Variants in SCNN1G observed in about 807,000 individuals in gnomAD.
SCNN1G encodes the protein epithelial sodium channel subunit gamma.
In SCNN1G, 27 loss-of-function variants were observed where a neutral mutation model predicts 64.6. That is an observed-to-expected ratio of 0.42 (90% CI 0.31 to 0.58). The LOEUF is 0.58. SCNN1G is among the 20% of genes least tolerant of loss of function. SCNN1G has a pLI of 0.18. For missense variants in SCNN1G, 743 were observed against 823.4 expected (o/e 0.90, Z 1.19); for synonymous variants, 330 against 314.2 (o/e 1.05, Z -0.53).
chr16:23,196,055 A>G (rs1354786379), intron 5 of SCNN1G: 6 of 152,182 alleles, frequency 3.9e-5, no homozygotes, highest in African/African-American at 9.7e-5. Flanking sequence ...AAAAATGAGT[A>G]CACAACTACA....
chr16:23,197,517 G>T, intron 6 of SCNN1G, 90 bp downstream of exon 6: 7 of 1,213,426 alleles, frequency 5.8e-6, no homozygotes, highest in Non-Finnish European at 8.5e-6. Context: ...TATGGAAAAG[G>T]GTGTTTGTTT....
intron 12 of SCNN1G, 71 bp from the exon 13 acceptor site, chr16:23,215,018 A>G: frequency 6.3e-7 from 1 of 1,583,532 alleles, no homozygotes; most frequent in Non-Finnish European, 8.7e-7. Context: ...TCCCTTGGGA[A>G]TCAGGGTTCC....
Position 23,186,289 on chromosome 16 carries a change from G to C in SCNN1G, c.18G>C (p.Lys6Asn). The change falls in exon 2 of 13, where the codon AAG becomes AAC. Residue 6 changes from lysine (K) to asparagine (N), a missense_variant. By Grantham distance (94) the Lys-to-Asn change is moderately conservative. Transcript: ENST00000300061. MAPGE[K>N]IKAKIKKNLP... is the part of the protein sequence containing the mutation. ...TCCTCGCCATGGCACCCGGAGAGAA[G>C]ATCAAAGCCAAAATCAAGAAGAATC... 1 of 1,614,252 alleles carries C rather than the reference G, an allele frequency of 6.2e-7. No homozygotes were observed.
chr16:23,210,661 G>A (rs1357747895), intron 7 of SCNN1G, among the ~76,000 whole-genome samples: 1 of 152,148 alleles, frequency 6.6e-6, no homozygotes, highest in Admixed American at 6.5e-5. Context: ...CAGAACAAAA[G>A]GACCAGAAAC....
chr16:23,194,436 A>C (rs1218508361), intron 5 of SCNN1G, among the ~76,000 whole-genome samples, 162 bp downstream of exon 5: 2 of 152,222 alleles, frequency 1.3e-5, no homozygotes, highest in Non-Finnish European at 2.9e-5. Flanking sequence ...ATCAGTGTTC[A>C]TGCTGGTTCC....
chr16:23,200,295 T>A, intron 6 of SCNN1G, among the ~76,000 whole-genome samples: 1 of 151,980 alleles, frequency 6.6e-6, no homozygotes, highest in Non-Finnish European at 1.5e-5. Flanking sequence ...ATTTAAAAAA[T>A]TTTTAGAGTC....
chr16:23,196,151 ATGGGGGGG>A (rs1567264818), intron 5 of SCNN1G: 2 of 152,314 alleles, frequency 1.3e-5, no homozygotes, highest in Non-Finnish European at 2.9e-5. Context: ...TGGGGTCAGG[ATGGGGGGG>A]TTAGTTTGGA....
chr16:23,214,194 T>A (rs1027659014), intron 11 of SCNN1G, among the ~76,000 whole-genome samples: 2 of 152,230 alleles, frequency 1.3e-5, no homozygotes, highest in Non-Finnish European at 2.9e-5. Flanking sequence ...CATCTCAGTT[T>A]CCACATCTGC....
In SCNN1G at chr16:23,213,592, G is replaced by A. The variant is rs564987381; in HGVS notation, c.1493+429G>A. Among the ~76,000 whole-genome samples the A allele has an allele frequency of 4.6e-5, 7 of 152,262 alleles. 1 individual carries two copies. The highest frequency in any genetic ancestry group is 3.3e-4 in the Admixed American group (5 of 15,292). On this transcript the variant is annotated intron_variant, in intron 11 of 12. Coordinates refer to ENST00000300061, the MANE Select transcript of SCNN1G (RefSeq NM_001039.4). ...TCACTCACTCATTCATTTCCTCAAA[G>A]CTGGGAGACGGTGAACTCACATCTG... is the stretch of plus-strand genomic sequence containing the variant.
At position 23,191,116 on chromosome 16, in the gene SCNN1G, A is replaced by G. The variant is rs973464123; in HGVS notation, c.619-1236A>G. Among the ~76,000 whole-genome samples the G allele has an allele frequency of 3.9e-5, 6 of 152,038 alleles. 1 individual carries two copies. Among genetic ancestry groups the G allele is most frequent in the Non-Finnish European group, 8.8e-5 (6 of 68,004 alleles). ...TACCTTGGCCTCCCAAACTGCTGAGATTACAGGCGTGAGCCACCGCACCTG... is the reference window on the plus strand; with the variant it reads ...TACCTTGGCCTCCCAAACTGCTGAGGTTACAGGCGTGAGCCACCGCACCTG... On this transcript the variant is annotated intron_variant, in intron 3 of 12. Coordinates refer to ENST00000300061, the MANE Select transcript of SCNN1G (RefSeq NM_001039.4).
chr16:23,194,336 G>C lies in SCNN1G; in HGVS notation c.913+62G>C, dbSNP rs4247210. On this transcript the variant is annotated intron_variant, in intron 5 of 12. Transcript: ENST00000300061. ...CCAATAGTGGACATGGGGGCAGCAG[G>C]ACAGTGGGGATGCGGGAGCCCTCTG... The C allele has an allele frequency of 0.28, 322,139 of 1,149,784 alleles. 48,868 individuals carry two copies. The highest frequency in any genetic ancestry group is 0.51 in the African/African-American group (33,764 of 65,932). 71.2% of individuals were successfully genotyped at this position (1,149,784 alleles called of 1,614,324 possible). A position where few individuals can be genotyped will look rare whatever the true frequency, so the allele number is the denominator to read the frequency against.
Position 23,189,376 on chromosome 16 carries a change from G to C in SCNN1G, c.323G>C (p.Ser108Thr). The C allele has an allele frequency of 6.2e-7, 1 of 1,613,348 alleles. No individual in the cohort carries two copies. Among genetic ancestry groups the C allele is most frequent in the Non-Finnish European group, 8.5e-7 (1 of 1,180,032 alleles). The change falls in exon 3 of 13, where the codon AGC becomes ACC. Residue 108 changes from serine (S) to threonine (T), a missense_variant. Physicochemically the swap from Ser to Thr is moderately conservative, Grantham distance 58. Transcript: ENST00000300061. Reference protein sequence around the residue: ...TICNINPYKYSTVRHLLADLE... With the variant: ...TICNINPYKYTTVRHLLADLE... Reference sequence around the variant, plus strand: ...TTTCCTCCCCACCTTGGCAGGTACAGCACCGTTCGCCACCTTCTAGCTGAC... The same window carrying C: ...TTTCCTCCCCACCTTGGCAGGTACACCACCGTTCGCCACCTTCTAGCTGAC...
chr16:23,212,321 A>G (rs148242929), intron 8 of SCNN1G, among the ~76,000 whole-genome samples, 170 bp downstream of exon 8: 1 of 152,312 alleles, frequency 6.6e-6, no homozygotes, highest in African/African-American at 2.4e-5. Flanking sequence ...CTTAAATTAT[A>G]CTTTGCAACT....
chr16:23,187,769 T>C (rs1959637640), intron 2 of SCNN1G, among the ~76,000 whole-genome samples: 1 of 152,196 alleles, frequency 6.6e-6, no homozygotes. Context: ...GCAGGACCTG[T>C]TCTAAATGGG....
intron 6 of SCNN1G, among the ~76,000 whole-genome samples, chr16:23,200,114 A>G (rs757673391): frequency 1.3e-5 from 2 of 152,202 alleles, no homozygotes; most frequent in African/African-American, 2.4e-5. Flanking sequence ...CTTCACAAAC[A>G]TATCCTCCAG....
intron 6 of SCNN1G, 101 bp downstream of exon 6, chr16:23,197,528 CA>C: frequency 9.6e-7 from 1 of 1,038,692 alleles, no homozygotes; most frequent in Non-Finnish European, 1.5e-6. Context: ...GTGTTTGTTT[CA>C]AAAGGGAACA....
chr16:23,202,696 C>G, intron 6 of SCNN1G, among the ~76,000 whole-genome samples: 1 of 152,108 alleles, frequency 6.6e-6, no homozygotes. Context: ...ATAGATTTCA[C>G]GGATATTATA....
At chr16:23,204,304 T>TATATATATATATATATATATATATAC (rs1959943062) in intron 6 of SCNN1G, among the ~76,000 whole-genome samples, 1 of 54,452 alleles carries the variant, frequency 1.8e-5, no homozygotes, top group Admixed American at 2.0e-4. Flanking sequence ...TATATATATA[T>TATATATATATATATATATATATATAC]ATATATATAT....
chr16:23,204,344 G>GAGAGAT (rs1555474964), intron 6 of SCNN1G, among the ~76,000 whole-genome samples: 7 of 110,812 alleles, frequency 6.3e-5, no homozygotes, highest in Non-Finnish European at 9.7e-5. Context: ...TAGAGAGAGA[G>GAGAGAT]AGAGAGAGAG....
Sources: gnomAD v4.1 joint callset for allele counts (sites outside exome capture counted in the v4.1 genomes callset) on GRCh38, gnomAD v4.1.1 for gene constraint, MANE v1.5 for transcripts, NCBI Gene and HGNC (gene_info 2026-07-23, HGNC 2026-07-21) for gene names.